The following MBOAT2 variants were observed in gnomAD, a reference collection of about 807,000 sequenced individuals.
The protein encoded by MBOAT2 is membrane bound glycerophospholipid O-acyltransferase 2.
Under a neutral mutation model 63.4 loss-of-function variants are expected in MBOAT2, and 28 were observed. The observed-to-expected ratio is 0.44, with a 90% CI of 0.33 to 0.61. The LOEUF (loss-of-function observed/expected upper bound fraction) is 0.61. Among genes scored for constraint, MBOAT2 ranks in the 20% least tolerant of loss-of-function variants. The pLI is 0.03. For synonymous variants in MBOAT2, 211 were observed against 215.6 expected, an observed-to-expected ratio of 0.98 and a Z score of 0.19; for missense variants, 470 against 605.8, an observed-to-expected ratio of 0.78 and a Z score of 2.35.
intron 1 of MBOAT2, among the ~76,000 whole-genome samples, chr2:8,977,558 T>C (rs144189388): frequency 1.1e-3 from 165 of 152,208 alleles, no homozygotes; most frequent in African/African-American, 3.0e-3. Context: ...CTTTCTCAGT[T>C]TAAGGAAGTA....
chr2:8,970,274 G>C (rs1573206085), intron 1 of MBOAT2, among the ~76,000 whole-genome samples: 1 of 152,082 alleles, frequency 6.6e-6, no homozygotes, highest in African/African-American at 2.4e-5. Flanking sequence ...ATGATTACTG[G>C]GTACATAACG....
chr2:8,932,741 T>A (rs1254567192), intron 3 of MBOAT2, among the ~76,000 whole-genome samples: 1 of 150,468 alleles, frequency 6.6e-6, no homozygotes, highest in African/African-American at 2.4e-5. Flanking sequence ...TTAAATGGGA[T>A]ACAGTATTTA....
chr2:8,942,176 A>G (rs963669820), intron 3 of MBOAT2, among the ~76,000 whole-genome samples: 17 of 152,238 alleles, frequency 1.1e-4, no homozygotes, highest in Non-Finnish European at 2.1e-4. Flanking sequence ...AATGGAGGAG[A>G]CAGTACACAT....
At chr2:8,974,934 TA>T (rs551677153) in intron 1 of MBOAT2, among the ~76,000 whole-genome samples, 1 of 152,072 alleles carries the variant, frequency 6.6e-6, no homozygotes, top group Non-Finnish European at 1.5e-5. Context: ...TTTCCAAGCA[TA>T]ATGTAAGCAG....
intron 3 of MBOAT2, among the ~76,000 whole-genome samples, chr2:8,912,711 A>C (rs1665881239): frequency 6.6e-6 from 1 of 152,210 alleles, no homozygotes; most frequent in Non-Finnish European, 1.5e-5. Flanking sequence ...AACAAATGGA[A>C]ACACATCCTA....
chr2:8,995,330 A>G (rs1016661697), intron 1 of MBOAT2, among the ~76,000 whole-genome samples: 3 of 152,238 alleles, frequency 2.0e-5, no homozygotes, highest in African/African-American at 7.2e-5. Context: ...AAGGACCCCA[A>G]ATGTAGACGT....
chr2:8,936,786 C>CA (rs745694357), intron 3 of MBOAT2, among the ~76,000 whole-genome samples: 10,117 of 55,990 alleles, frequency 0.18, 833 homozygotes, highest in Non-Finnish European at 0.23. Flanking sequence ...GACTCCGTCT[C>CA]AAAAAAAAAA....
rs1453056625 is a variant in MBOAT2, at chr2:8,868,422, C to T, written c.987+24G>A. 3.1e-6 allele frequency: 5 copies of T among 1,592,342 alleles called. No homozygotes were observed. In the African/African-American group the frequency reaches 6.7e-5, roughly 21 times the overall value. On this transcript the variant is annotated intron_variant, in intron 9 of 12. Transcript: ENST00000305997. ...CTATGGTACTTAAAGTATATAGTAA[C>T]TAACTTCTTAAAGATTGACTCACCT...
intron 1 of MBOAT2, among the ~76,000 whole-genome samples, chr2:8,988,573 T>C (rs1265219485): frequency 6.6e-6 from 1 of 152,194 alleles, no homozygotes; most frequent in African/African-American, 2.4e-5. Context: ...TTATATCCTT[T>C]GAGCCAAATT....
chr2:9,003,462 G>C lies in MBOAT2; in HGVS notation c.75+78C>G. 1 of 995,418 alleles carries C rather than the reference G, an allele frequency of 1.0e-6. No homozygotes were observed. Among genetic ancestry groups the C allele is most frequent in the Non-Finnish European group, 1.3e-6 (1 of 797,796 alleles). The allele number at this position is 995,418 out of a possible 1,614,324, so 61.7% of individuals were successfully genotyped here. A position where few individuals can be genotyped will look rare whatever the true frequency, so the allele number is the denominator to read the frequency against. On this transcript the variant is annotated intron_variant, in intron 1 of 12. Coordinates refer to ENST00000305997, the MANE Select transcript of MBOAT2 (RefSeq NM_138799.4). This position sits in a 1 kb window ranked among gnomAD's most constrained non-coding sequence, Gnocchi z 5.4. ...CGGCCCCAGCCCCCACCCTCCTCCC[G>C]GGCCCCCGGTCGGGTGGCACCGCGG... is the stretch of plus-strand genomic sequence containing the variant.
chr2:8,880,317 ATGGATTTGC>A lies in MBOAT2; in HGVS notation c.506+2185_506+2193del, dbSNP rs897073320. ...AGGGCTAACTTGACTTGCTGGTGAA[ATGGATTTGC>A]TGTAAGAAAATGGAAGTCCCCCCAA... On this transcript the variant is annotated intron_variant, in intron 6 of 12. Coordinates refer to ENST00000305997, the MANE Select transcript of MBOAT2 (RefSeq NM_138799.4). Among the ~76,000 whole-genome samples, 48 of 152,308 alleles carry A rather than the reference ATGGATTTGC, an allele frequency of 3.2e-4. 1 individual carries two copies. Among genetic ancestry groups the A allele is most frequent in the Admixed American group, 3.0e-3 (46 of 15,300 alleles).
intron 3 of MBOAT2, among the ~76,000 whole-genome samples, chr2:8,934,027 C>G (rs1468208231): frequency 6.6e-6 from 1 of 152,188 alleles, no homozygotes; most frequent in East Asian, 1.9e-4. Context: ...CAATCACACC[C>G]TTTCCTGAGT....
chr2:8,972,979 G>A (rs975584086), intron 1 of MBOAT2, among the ~76,000 whole-genome samples: 5 of 152,130 alleles, frequency 3.3e-5, no homozygotes, highest in Non-Finnish European at 5.9e-5. Context: ...CAAGGATCTC[G>A]AACTAGAAAT....
intron 1 of MBOAT2, among the ~76,000 whole-genome samples, chr2:8,983,479 A>G (rs1180764075): frequency 6.6e-6 from 1 of 152,194 alleles, no homozygotes; most frequent in Non-Finnish European, 1.5e-5. Flanking sequence ...TTTAAAAAAG[A>G]ATTAATACCA....
intron 8 of MBOAT2, 80 bp from the exon 9 acceptor site, chr2:8,868,629 T>G (rs1272463078): frequency 9.1e-7 from 1 of 1,102,004 alleles, no homozygotes; most frequent in East Asian, 2.4e-5. Context: ...TATGTGTTAT[T>G]ATATCTTTTA....
chr2:8,999,639 T>C (rs1672549686), intron 1 of MBOAT2, among the ~76,000 whole-genome samples: 1 of 152,186 alleles, frequency 6.6e-6, no homozygotes, highest in South Asian at 2.1e-4. Context: ...AACAGCACAC[T>C]TGGGCCTTTT....
intron 1 of MBOAT2, among the ~76,000 whole-genome samples, chr2:8,989,977 G>A (rs184647808): frequency 6.6e-6 from 1 of 152,324 alleles, no homozygotes; most frequent in Admixed American, 6.5e-5. Context: ...GCTTGTAAGG[G>A]ATGCTACGTT....
chr2:8,882,590 T>A, intron 5 of MBOAT2, 25 bp from the exon 6 acceptor site: 4 of 1,612,250 alleles, frequency 2.5e-6, no homozygotes, highest in Non-Finnish European at 3.4e-6. Context: ...TAGGTACTCA[T>A]CAATTAAGAT....
intron 9 of MBOAT2, among the ~76,000 whole-genome samples, chr2:8,865,492 C>G (rs1661804571): frequency 6.6e-6 from 1 of 152,164 alleles, no homozygotes; most frequent in African/African-American, 2.4e-5. Flanking sequence ...TCCGGGACTT[C>G]AATCAATAGG....
Sources: gnomAD v4.1 joint callset for allele counts (sites outside exome capture counted in the v4.1 genomes callset) on GRCh38, gnomAD v4.1.1 for gene constraint, Gnocchi (gnomAD v3.1) non-coding constraint, MANE v1.5 for transcripts, NCBI Gene and HGNC (gene_info 2026-07-23, HGNC 2026-07-21) for gene names.